Variants in TCTN2 observed in about 807,000 individuals in gnomAD.
The protein encoded by TCTN2 is tectonic-2.
TCTN2 carries 66 observed loss-of-function variants against 83.4 expected under a neutral mutation model. The observed-to-expected ratio is 0.79, with a 90% confidence interval of 0.65 to 0.97. TCTN2 has a LOEUF of 0.97. TCTN2 is among the 50% of genes least tolerant of loss of function. The probability of loss-of-function intolerance (pLI) is 0.00; values close to 1 mark genes in which losing one functional copy is unlikely to be tolerated. For missense variants in TCTN2, 794 were observed against 858.1 expected (o/e 0.93, Z 0.93); for synonymous variants, 301 against 326.7 (o/e 0.92, Z 0.85).
intron 7 of TCTN2, among the ~76,000 whole-genome samples, chr12:123,689,324 G>A (rs753832327): frequency 6.6e-6 from 1 of 151,988 alleles, no homozygotes; most frequent in Non-Finnish European, 1.5e-5. Context: ...CCAATGTGCT[G>A]GGATTACAGG....
chr12:123,697,657 G>T (rs748922465), intron 13 of TCTN2, among the ~76,000 whole-genome samples: 7 of 151,670 alleles, frequency 4.6e-5, no homozygotes, highest in African/African-American at 1.7e-4. Context: ...GCACCACCAC[G>T]CCTGCTGATT....
rs372687837 is a variant in TCTN2, at chr12:123,704,631, C to T, written c.1712C>T (p.Ser571Leu). ...CACCTGAGCATCCGCATCCTCATCT[C>T]GGATGCTGGCGCGGTGGAAGGGATT... The part of the protein sequence containing the change: ...PAHLSIRILI[S>L]DAGAVEGITQ... Residue 571 changes from serine (S) to leucine (L), a missense_variant, in exon 15 of 18, where the codon TCG becomes TTG. Ser to Leu is a moderately radical substitution (Grantham distance 145). Transcript: ENST00000303372. The T allele has an allele frequency of 1.1e-4, 179 of 1,613,188 alleles. No homozygotes were observed. The highest frequency in any genetic ancestry group is 2.7e-4 in the East Asian group (12 of 44,870).
At chr12:123,690,758 C>T in intron 8 of TCTN2, 84 bp downstream of exon 8, 1 of 1,527,034 alleles carries the variant, frequency 6.5e-7, no homozygotes, top group Non-Finnish European at 9.0e-7. Context: ...ATCATTTCTA[C>T]TGGTTCAACT....
chr12:123,704,294 G>A (rs1055051978), intron 14 of TCTN2, among the ~76,000 whole-genome samples: 3 of 152,084 alleles, frequency 2.0e-5, no homozygotes, highest in South Asian at 2.1e-4. Flanking sequence ...GTTAGCCACC[G>A]CACCCGGCCC....
At chr12:123,693,018 C>CT (rs539689505) in intron 9 of TCTN2, among the ~76,000 whole-genome samples, 1,110 of 53,650 alleles carry the variant, frequency 0.021, 14 homozygotes, top group African/African-American at 0.044. Flanking sequence ...TTAAATAATT[C>CT]TTTTTTTTTT....
chr12:123,689,452 G>A (rs752850020), intron 7 of TCTN2, among the ~76,000 whole-genome samples: 2 of 152,144 alleles, frequency 1.3e-5, no homozygotes, highest in African/African-American at 2.4e-5. Context: ...AAAGTGTTGG[G>A]ATTACAGTGT....
intron 9 of TCTN2, among the ~76,000 whole-genome samples, chr12:123,693,495 C>T (rs1956071556): frequency 6.7e-6 from 1 of 149,936 alleles, no homozygotes; most frequent in Non-Finnish European, 1.5e-5. Flanking sequence ...CTCTGTCACC[C>T]AGGCTGGAGT....
chr12:123,679,809 G>T (rs1955872777), intron 5 of TCTN2, among the ~76,000 whole-genome samples: 1 of 127,244 alleles, frequency 7.9e-6, no homozygotes, highest in Non-Finnish European at 1.6e-5. Context: ...GCGTGATCTT[G>T]GCTCACTGCA....
chr12:123,696,536 T>G, intron 12 of TCTN2, 41 bp downstream of exon 12: 1 of 1,543,018 alleles, frequency 6.5e-7, no homozygotes, highest in South Asian at 1.1e-5. Flanking sequence ...TTTGGCAAAT[T>G]GGTGTTAGAA....
chr12:123,687,167 A>G lies in TCTN2; in HGVS notation c.764+132A>G. ...CAGAGGTTCCGTGCCTAAAGGGTTC[A>G]ATTCTAGATTTCAGTTAGCCAATTT... On this transcript the variant is annotated intron_variant, in intron 6 of 17. Transcript: ENST00000303372. The G allele has an allele frequency of 6.0e-6, 6 of 1,007,456 alleles. No homozygotes were observed. In the South Asian group the frequency reaches 8.0e-5, roughly 13 times the overall value. 62.4% of individuals were successfully genotyped at this position (1,007,456 alleles called of 1,614,324 possible). A position where few individuals can be genotyped will look rare whatever the true frequency, so the allele number is the denominator to read the frequency against.
At chr12:123,696,023 T>C (rs1593858732) in intron 11 of TCTN2, 1 of 250,622 alleles carries the variant, frequency 4.0e-6, no homozygotes, top group Non-Finnish European at 7.9e-6. Flanking sequence ...TTTGTACTTT[T>C]AGTAGAGATG....
intron 14 of TCTN2, among the ~76,000 whole-genome samples, chr12:123,703,249 C>T (rs915931588): frequency 2.0e-5 from 3 of 150,554 alleles, no homozygotes; most frequent in South Asian, 4.2e-4. Flanking sequence ...GGCATGATCT[C>T]GGCTCACTGC....
intron 7 of TCTN2, among the ~76,000 whole-genome samples, chr12:123,690,103 A>C (rs981422454): frequency 1.3e-5 from 2 of 152,208 alleles, no homozygotes; most frequent in Admixed American, 1.3e-4. Flanking sequence ...CCCAACCTGA[A>C]ATCTTTTTTT....
chr12:123,681,366 C>T (rs1354381548), intron 5 of TCTN2, among the ~76,000 whole-genome samples: 2 of 152,172 alleles, frequency 1.3e-5, no homozygotes, highest in African/African-American at 4.8e-5. Flanking sequence ...TCTACCACCC[C>T]AGAAAGAAAT....
chr12:123,696,830 A>G (rs1035650975), intron 12 of TCTN2: 4 of 539,358 alleles, frequency 7.4e-6, no homozygotes, highest in Non-Finnish European at 1.3e-5. Context: ...ACTGCAGGAA[A>G]TCTGTGCTTC....
At chr12:123,703,217 C>T (rs780647010) in intron 14 of TCTN2, among the ~76,000 whole-genome samples, 1 of 148,618 alleles carries the variant, frequency 6.7e-6, no homozygotes, top group African/African-American at 2.5e-5. Context: ...GATGGAGTCT[C>T]ACTTTGTTGC....
chr12:123,671,176 C>G lies in TCTN2; in HGVS notation c.-65C>G. On this transcript the variant is annotated 5_prime_UTR_variant, in exon 1 of 18. Transcript: ENST00000303372. ...GGCAGTGGCTGCTGCGTTTTCGTGT[C>G]TGAGTCCTTCCTGGGTTCTAATGAG... The G allele has an allele frequency of 5.4e-6, 8 of 1,488,442 alleles. No individual in the cohort carries two copies. The highest frequency in any genetic ancestry group is 3.4e-4 in the Middle Eastern group (2 of 5,862). The allele number at this position is 1,488,442 out of a possible 1,614,324, so 92.2% of individuals were successfully genotyped here.
intron 4 of TCTN2, among the ~76,000 whole-genome samples, chr12:123,676,637 A>G (rs1197386541): frequency 6.6e-6 from 1 of 151,908 alleles, no homozygotes; most frequent in Non-Finnish European, 1.5e-5. Flanking sequence ...ATATTTTAGA[A>G]TACCAAACTT....
rs369820716 is a variant in TCTN2, at chr12:123,700,468, T to C, written c.1612+658T>C. Among the ~76,000 whole-genome samples, 5 of 152,284 alleles carry C rather than the reference T, an allele frequency of 3.3e-5. No homozygotes were observed. The South Asian group carries it at 6.2e-4, about 19-fold the overall frequency. ...TTTTTTTGAGACGGAGTCTTGCTCT[T>C]GTCACCCATGCTGGAGTGCAATGGC... On this transcript the variant is annotated intron_variant, in intron 14 of 17. Transcript: ENST00000303372.
Sources: gnomAD v4.1 joint callset for allele counts (sites outside exome capture counted in the v4.1 genomes callset) on GRCh38, gnomAD v4.1.1 for gene constraint, MANE v1.5 for transcripts, NCBI Gene and HGNC (gene_info 2026-07-23, HGNC 2026-07-21) for gene names.